The following TCEANC variants were observed in gnomAD, a reference collection of about 807,000 sequenced individuals.
TCEANC encodes the protein transcription elongation factor A N-terminal and central domain-containing protein.
A neutral mutation model predicts 8.7 loss-of-function variants in TCEANC; 8 were observed. The observed-to-expected ratio is 0.92, with a 90% confidence interval of 0.54 to 1.65. The LOEUF is 1.65. TCEANC is among the 40% of genes most tolerant of loss of function. TCEANC has a pLI of 0.00. For missense variants in TCEANC, 255 were observed against 251.9 expected, an observed-to-expected ratio of 1.01 and a Z score of -0.08; for synonymous variants, 78 against 92.9, an observed-to-expected ratio of 0.84 and a Z score of 0.92.
At chrX:13,662,293 T>G (rs773196856) in intron 1 of TCEANC, among the ~76,000 whole-genome samples, 16 of 112,088 alleles carry the variant, frequency 1.4e-4, no homozygotes, top group African/African-American at 4.9e-4. Flanking sequence ...GTTTGTTTGT[T>G]TTTCACTCGT....
chrX:13,663,524 G>T (rs1323589390), exon 2 of TCEANC: 2 of 1,162,822 alleles, frequency 1.7e-6, no homozygotes, highest in African/African-American at 3.5e-5. Context: ...TGTAACGAAT[G>T]TGGGGAGCAG....
chrX:13,659,714 C>T (rs1169403863), intron 1 of TCEANC: 1 of 111,947 alleles, frequency 8.9e-6, no homozygotes, highest in Non-Finnish European at 1.8e-5. Flanking sequence ...CAAACTCTGC[C>T]TCCCGGGTTC....
At chrX:13,656,128 C>G (rs750734512) in intron 1 of TCEANC, among the ~76,000 whole-genome samples, 1 of 112,083 alleles carries the variant, frequency 8.9e-6, no homozygotes, top group Non-Finnish European at 1.9e-5. Context: ...CAGATGATGG[C>G]GAGCCCAGAT....
At chrX:13,662,020 A>G (rs1176586513) in intron 1 of TCEANC, among the ~76,000 whole-genome samples, 1 of 111,982 alleles carries the variant, frequency 8.9e-6, no homozygotes, top group Non-Finnish European at 1.9e-5. Flanking sequence ...TTTTCAGAAG[A>G]GTACCACTTT....
At chrX:13,663,334 T>C in exon 2 of TCEANC, 2 of 1,196,154 alleles carry the variant, frequency 1.7e-6, no homozygotes, top group Non-Finnish European at 2.3e-6. Flanking sequence ...CTACACGGAA[T>C]CTTGTATCCA....
exon 2 of TCEANC, chrX:13,664,761 T>C (rs1053479900): frequency 4.0e-5 from 5 of 123,568 alleles, no homozygotes; most frequent in African/African-American, 1.3e-4. Flanking sequence ...ATTACCTCTT[T>C]GAGGCCTTTG....
At chrX:13,662,586 T>C in exon 2 of TCEANC, 1 of 1,211,887 alleles carries the variant, frequency 8.3e-7, no homozygotes, top group Non-Finnish European at 1.1e-6. Flanking sequence ...TTGAGGATCT[T>C]GGCAACCACC....
At chrX:13,659,091 C>T (rs978633058) in intron 1 of TCEANC, among the ~76,000 whole-genome samples, 1 of 112,351 alleles carries the variant, frequency 8.9e-6, no homozygotes, top group Non-Finnish European at 1.9e-5. Flanking sequence ...CCTCTATTAG[C>T]GAACATTTCT....
rs771333531 is a variant in TCEANC, at chrX:13,663,432, T to A, written c.924T>A (p.Thr308=). Residue 308 remains threonine (T), a synonymous_variant, in exon 2 of 2, where the codon ACT becomes ACA. Coordinates refer to ENST00000380600, the Ensembl canonical transcript of TCEANC. ...GTGAGAAATACAATTGCAAAGTCAC[T>A]GTAATTGACAGAGGAACACTTTTCC... The A allele has an allele frequency of 5.1e-6, 6 of 1,180,458 alleles. No individual in the cohort carries two copies. In the South Asian group the frequency reaches 9.4e-5, roughly 18 times the overall value.
At chrX:13,664,416 T>G in exon 2 of TCEANC, 2 of 125,215 alleles carry the variant, frequency 1.6e-5, no homozygotes. Context: ...TCCCCTCTCT[T>G]TTCTCATTTA....
chrX:13,657,826 A>C (rs5978656), intron 1 of TCEANC, among the ~76,000 whole-genome samples: 28,393 of 77,039 alleles, frequency 0.37, 5,515 homozygotes, highest in East Asian at 0.55. Flanking sequence ...AAAAAAAAAA[A>C]ACACACACAC....
At chrX:13,664,495 T>A (rs1026969311) in exon 2 of TCEANC, 7 of 123,553 alleles carry the variant, frequency 5.7e-5, no homozygotes, top group Non-Finnish European at 1.3e-4. Context: ...TTTGGAGCCC[T>A]CTTGCTTAGT....
At chrX:13,663,364 G>A in exon 2 of TCEANC, 1 of 1,195,377 alleles carries the variant, frequency 8.4e-7, no homozygotes, top group Non-Finnish European at 1.1e-6. Context: ...CCTTCCCCAA[G>A]TAATTGATGG....
At chrX:13,662,241 C>A (rs761595164) in intron 1 of TCEANC, among the ~76,000 whole-genome samples, 41 of 111,900 alleles carry the variant, frequency 3.7e-4, no homozygotes, top group Middle Eastern at 4.6e-3. Flanking sequence ...GATCCTCCGG[C>A]AAGCCTCTTA....
exon 2 of TCEANC, chrX:13,664,576 C>T (rs980570110): frequency 1.9e-4 from 23 of 121,542 alleles, no homozygotes; most frequent in African/African-American, 6.3e-4. Context: ...ACAGGTTTTT[C>T]GGGGGTATGT....
intron 1 of TCEANC, among the ~76,000 whole-genome samples, chrX:13,660,473 A>T (rs1040687323): frequency 9.0e-6 from 1 of 111,445 alleles, no homozygotes; most frequent in African/African-American, 3.3e-5. Flanking sequence ...GCCCTACCCT[A>T]CCTAGTCAAC....
At chrX:13,656,438 A>G (rs1386012898) in intron 1 of TCEANC, among the ~76,000 whole-genome samples, 1 of 112,805 alleles carries the variant, frequency 8.9e-6, no homozygotes, top group Non-Finnish European at 1.9e-5. Context: ...TCCTAGGGCA[A>G]TAAATCCTTT....
chrX:13,663,740 A>C, exon 2 of TCEANC: 1 of 445,797 alleles, frequency 2.2e-6, no homozygotes, highest in Non-Finnish European at 3.8e-6. Flanking sequence ...GGGGAGAGGG[A>C]GTGGATGACT....
exon 2 of TCEANC, chrX:13,662,552 A>T: frequency 8.3e-7 from 1 of 1,211,597 alleles, no homozygotes; most frequent in Non-Finnish European, 1.1e-6. Flanking sequence ...TCTCTTATTG[A>T]GCAACTGATG....
Sources: allele counts gnomAD v4.1 joint callset (sites outside exome capture counted in the v4.1 genomes callset), GRCh38; gene constraint gnomAD v4.1.1; transcripts MANE v1.5; gene names NCBI Gene and HGNC (gene_info 2026-07-23, HGNC 2026-07-21).